The following CCDC7 variants were observed in gnomAD, a reference collection of about 807,000 sequenced individuals.
CCDC7 encodes coiled-coil domain containing 7.
CCDC7 carries 183 observed loss-of-function variants against 196.9 expected under a neutral mutation model. The observed-to-expected ratio is 0.93, with a 90% CI of 0.82 to 1.05. The LOEUF is 1.05. Ranked by LOEUF, CCDC7 falls within the 50% of genes least tolerant of loss-of-function variation. CCDC7 has a pLI of 0.00. For synonymous variants in CCDC7, 525 were observed against 484.6 expected (o/e 1.08, Z -1.10); for missense variants, 1,540 against 1,482.2 (o/e 1.04, Z -0.64).
At chr10:32,856,344 A>G (rs192422658) in intron 41 of CCDC7, among the ~76,000 whole-genome samples, 36 of 152,338 alleles carry the variant, frequency 2.4e-4, no homozygotes, top group African/African-American at 8.4e-4. Flanking sequence ...CAGAATATAT[A>G]GAGACCTCCT....
chr10:32,700,586 T>G (rs1762520), intron 24 of CCDC7, among the ~76,000 whole-genome samples: 140,588 of 152,222 alleles, frequency 0.92, 65,913 homozygotes, highest in East Asian at 1. Flanking sequence ...CTCCAATTCT[T>G]TGAAGAAAGT....
intron 41 of CCDC7, 61 bp from the exon 43 acceptor site, chr10:32,876,286 A>G: frequency 7.9e-7 from 1 of 1,272,732 alleles, no homozygotes; most frequent in Middle Eastern, 2.0e-4. Context: ...TACAATAAAA[A>G]TTATATCAAC....
At chr10:32,461,210 T>C (rs2035551847) in intron 3 of CCDC7, among the ~76,000 whole-genome samples, 2 of 152,142 alleles carry the variant, frequency 1.3e-5, no homozygotes, top group South Asian at 4.1e-4. Context: ...CCATCATAAG[T>C]TGAATTTTTC....
intron 3 of CCDC7, among the ~76,000 whole-genome samples, chr10:32,458,477 G>GC (rs1194207662): frequency 1.1e-4 from 1 of 8,702 alleles, no homozygotes; most frequent in African/African-American, 2.1e-4. Flanking sequence ...GTGTGTGTGT[G>GC]TGTGCTTTTT....
rs185448509 is a variant in CCDC7, at chr10:32,646,958, C to T, written c.2014+11800C>T. 3.5e-3 allele frequency among the ~76,000 whole-genome samples: 529 copies of T among 152,162 alleles called. 1 individual carries two copies. The highest frequency in any genetic ancestry group is 4.9e-3 in the Non-Finnish European group (334 of 68,020). On this transcript the variant is annotated intron_variant, in intron 20 of 41. Coordinates refer to ENST00000639629, the Ensembl canonical transcript of CCDC7. ...ATAGTATTGCATGGTATATATGTCCCATATTTCCTTTCTCCAATCTGCCAT... is the reference window on the plus strand; with the variant it reads ...ATAGTATTGCATGGTATATATGTCCTATATTTCCTTTCTCCAATCTGCCAT...
chr10:32,661,717 T>G (rs2071498494), intron 20 of CCDC7, among the ~76,000 whole-genome samples: 1 of 152,150 alleles, frequency 6.6e-6, no homozygotes, highest in Admixed American at 6.5e-5. Flanking sequence ...TTCTGCCCAG[T>G]GCCCTATCCT....
At chr10:32,876,377 C>T in exon 42 of CCDC7, 1 of 1,610,496 alleles carries the variant, frequency 6.2e-7, no homozygotes, top group Non-Finnish European at 8.5e-7. Context: ...AAATCTGTAC[C>T]ACACCCATAC....
At chr10:32,515,141 T>C (rs746008588) in intron 9 of CCDC7, among the ~76,000 whole-genome samples, 1 of 152,188 alleles carries the variant, frequency 6.6e-6, no homozygotes, top group Non-Finnish European at 1.5e-5. Context: ...AATCTTAAGA[T>C]AGCAATACTT....
chr10:32,624,560 T>TA (rs1159463802), intron 18 of CCDC7, among the ~76,000 whole-genome samples: 1 of 152,198 alleles, frequency 6.6e-6, no homozygotes, highest in Non-Finnish European at 1.5e-5. Context: ...AACTGTTGTT[T>TA]ATGTCTCTCT....
intron 21 of CCDC7, among the ~76,000 whole-genome samples, chr10:32,669,717 G>A (rs967762921): frequency 6.6e-6 from 1 of 152,030 alleles, no homozygotes; most frequent in Non-Finnish European, 1.5e-5. Context: ...TGTGTCATCA[G>A]TTGTGACAGT....
At chr10:32,457,062 C>T (rs1357637591) in intron 3 of CCDC7, among the ~76,000 whole-genome samples, 1 of 151,582 alleles carries the variant, frequency 6.6e-6, no homozygotes, top group African/African-American at 2.4e-5. Flanking sequence ...TGTGGTCACC[C>T]TATAGTGCTG....
intron 20 of CCDC7, among the ~76,000 whole-genome samples, chr10:32,641,506 G>C (rs2066797230): frequency 6.6e-6 from 1 of 152,108 alleles, no homozygotes; most frequent in Non-Finnish European, 1.5e-5. Flanking sequence ...GCTCCATCAG[G>C]TCCTTTAAGG....
intron 20 of CCDC7, among the ~76,000 whole-genome samples, chr10:32,645,503 CTTTTT>C (rs35170235): frequency 1.5e-5 from 1 of 65,144 alleles, no homozygotes; most frequent in African/African-American, 5.3e-5. Flanking sequence ...GAGTCCATGT[CTTTTT>C]TTTTTTTTTT....
chr10:32,476,524 T>C (rs60674030), intron 8 of CCDC7, among the ~76,000 whole-genome samples: 2,596 of 152,324 alleles, frequency 0.017, 77 homozygotes, highest in African/African-American at 0.059. Context: ...ATCAACACTT[T>C]TGTTCAGGTT....
rs575791002 is a variant in CCDC7 at position 32,736,895 on chromosome 10, T to C, written c.2905+7438T>C. On this transcript the variant is annotated intron_variant, in intron 28 of 41. Coordinates refer to ENST00000639629, the Ensembl canonical transcript of CCDC7. ...GCATTAGTTAGGACTTCCAGTACAATGTAGAATACATGTGGTGAGAAATGA... is the reference window on the plus strand; with the variant it reads ...GCATTAGTTAGGACTTCCAGTACAACGTAGAATACATGTGGTGAGAAATGA... Among the ~76,000 whole-genome samples the C allele has an allele frequency of 2.8e-3, 419 of 152,286 alleles. 2 individuals carry two copies. The highest frequency in any genetic ancestry group is 6.8e-3 in the Middle Eastern group (2 of 294).
chr10:32,600,712 T>G (rs1208270250), intron 18 of CCDC7, among the ~76,000 whole-genome samples: 1 of 152,222 alleles, frequency 6.6e-6, no homozygotes, highest in Non-Finnish European at 1.5e-5. Flanking sequence ...AAATTATTTC[T>G]TATTAATTTG....
intron 28 of CCDC7, among the ~76,000 whole-genome samples, chr10:32,762,380 GAT>G (rs1208040322): frequency 6.6e-6 from 1 of 151,322 alleles, no homozygotes; most frequent in African/African-American, 2.4e-5. Context: ...GAAGCTGCCT[GAT>G]ATATATATAA....
At chr10:32,803,004 G>A (rs1159101836) in intron 29 of CCDC7, among the ~76,000 whole-genome samples, 1 of 152,156 alleles carries the variant, frequency 6.6e-6, no homozygotes, top group Non-Finnish European at 1.5e-5. Context: ...GACACACCCA[G>A]GAACAATACT....
intron 28 of CCDC7, among the ~76,000 whole-genome samples, chr10:32,741,165 T>G (rs540739293): frequency 6.6e-6 from 1 of 152,274 alleles, no homozygotes; most frequent in African/African-American, 2.4e-5. Flanking sequence ...AATAAATTAT[T>G]TTTTCCTAGG....
Sources: gnomAD v4.1 joint callset for allele counts (sites outside exome capture counted in the v4.1 genomes callset) on GRCh38, gnomAD v4.1.1 for gene constraint, MANE v1.5 for transcripts, NCBI Gene and HGNC (gene_info 2026-07-23, HGNC 2026-07-21) for gene names.